NRG1: variants seen among roughly 807,000 people sequenced by gnomAD.
NRG1 encodes pro-neuregulin-1, membrane-bound isoform.
Under a neutral mutation model 63.8 loss-of-function variants are expected in NRG1, and 18 were observed. The observed-to-expected ratio is 0.28, with a 90% CI of 0.19 to 0.42. The LOEUF (loss-of-function observed/expected upper bound fraction) is 0.42. Ranked by LOEUF, NRG1 falls within the 10% of genes least tolerant of loss-of-function variation. The probability of loss-of-function intolerance (pLI) is 1.00; values close to 1 mark genes in which losing one functional copy is unlikely to be tolerated. For synonymous variants in NRG1, 302 were observed against 301.3 expected, an observed-to-expected ratio of 1.00 and a Z score of -0.02; for missense variants, 762 against 814.7, an observed-to-expected ratio of 0.94 and a Z score of 0.79.
At chr8:31,893,223 A>G (rs1009203768) in intron 1 of NRG1, among the ~76,000 whole-genome samples, 2 of 150,878 alleles carry the variant, frequency 1.3e-5, no homozygotes, top group Non-Finnish European at 3.0e-5. Context: ...TAAATAAAAG[A>G]TACTGGAGCA....
intron 1 of NRG1, among the ~76,000 whole-genome samples, chr8:31,947,491 C>T (rs1046805622): frequency 6.6e-6 from 1 of 152,068 alleles, no homozygotes; most frequent in Non-Finnish European, 1.5e-5. Context: ...AGCAGTATTA[C>T]TCTGGGCCAG....
At chr8:31,986,598 C>G (rs538973555) in intron 1 of NRG1, among the ~76,000 whole-genome samples, 15 of 152,226 alleles carry the variant, frequency 9.9e-5, no homozygotes, top group African/African-American at 3.6e-4. Flanking sequence ...ATCATCTGCA[C>G]TTAGTTTTCT....
chr8:32,431,756 G>GA (rs1323097090), intron 1 of NRG1, among the ~76,000 whole-genome samples: 113 of 151,674 alleles, frequency 7.5e-4, no homozygotes, highest in African/African-American at 2.5e-3. Context: ...TTTTCTGAGG[G>GA]AAAAAATTAC....
chr8:32,513,288 T>C lies in NRG1; in HGVS notation c.38-82540T>C, dbSNP rs186387932. Among the ~76,000 whole-genome samples, 195 of 151,974 alleles carry C rather than the reference T, an allele frequency of 1.3e-3. 1 individual carries two copies. Among genetic ancestry groups the C allele is most frequent in the African/African-American group, 4.5e-3 (186 of 41,436 alleles). On this transcript the variant is annotated intron_variant, in intron 1 of 10. Coordinates refer to the NRG1 transcript ENST00000519301. ...TCTCAACATGCTTAAGCAAGTGATA[T>C]CTTTCCATATAAGGGGCAAAAGAAT...
At chr8:32,636,689 T>G (rs1680711808) in intron 5 of NRG1, among the ~76,000 whole-genome samples, 1 of 152,118 alleles carries the variant, frequency 6.6e-6, no homozygotes. Flanking sequence ...AAATCCCTTC[T>G]CAATAAAAAA....
chr8:31,831,470 C>T (rs1035199420), intron 1 of NRG1, among the ~76,000 whole-genome samples: 1 of 152,074 alleles, frequency 6.6e-6, no homozygotes, highest in Admixed American at 6.6e-5. Flanking sequence ...GTGCTTTATT[C>T]AAAATGTCAT....
chr8:31,836,277 A>G (rs983807272), intron 1 of NRG1, among the ~76,000 whole-genome samples: 2 of 152,202 alleles, frequency 1.3e-5, no homozygotes, highest in African/African-American at 4.8e-5. Flanking sequence ...AAGCATTGTA[A>G]CAGAAAATAA....
intron 1 of NRG1, among the ~76,000 whole-genome samples, chr8:31,687,681 A>G (rs2131102239): frequency 6.6e-6 from 1 of 152,248 alleles, no homozygotes; most frequent in East Asian, 1.9e-4. Flanking sequence ...GCTGTTGGAA[A>G]CAACACAATG....
At chr8:31,835,544 G>A (rs556014507) in intron 1 of NRG1, among the ~76,000 whole-genome samples, 2 of 152,184 alleles carry the variant, frequency 1.3e-5, no homozygotes, top group African/African-American at 2.4e-5. Flanking sequence ...TCACAGCTTG[G>A]GTTATCAGAC....
rs1031233462 is a variant in NRG1, at chr8:32,216,131, T to A, written c.38-379697T>A. Among the ~76,000 whole-genome samples, 4 of 151,134 alleles carry A rather than the reference T, an allele frequency of 2.6e-5. No individual in the cohort carries two copies. The East Asian group carries it at 7.7e-4, about 29-fold the overall frequency. On this transcript the variant is annotated intron_variant, in intron 1 of 10. Coordinates refer to the NRG1 transcript ENST00000519301. ...TAGATATTATACTATATTATGGAAA[T>A]GTATATATTATATTAGAATTAATAT...
chr8:31,892,423 G>T (rs973713444), intron 1 of NRG1, among the ~76,000 whole-genome samples: 1 of 151,984 alleles, frequency 6.6e-6, no homozygotes, highest in African/African-American at 2.4e-5. Context: ...ACCAATTTAG[G>T]ATAACTTCAC....
At chr8:31,658,568 T>C (rs13273105) in intron 1 of NRG1, among the ~76,000 whole-genome samples, 29,677 of 152,132 alleles carry the variant, frequency 0.2, 3,409 homozygotes, top group East Asian at 0.27. Flanking sequence ...GATCAAGCGA[T>C]TCTCGTGCCT....
intron 1 of NRG1, among the ~76,000 whole-genome samples, chr8:32,593,935 TGCCAGTG>T (rs113596153): frequency 0.012 from 1,896 of 152,056 alleles, 40 homozygotes; most frequent in African/African-American, 0.043. Context: ...TTTTCTAATT[TGCCAGTG>T]GCCAGTGTGT....
At chr8:31,867,817 A>T (rs1402404463) in intron 1 of NRG1, among the ~76,000 whole-genome samples, 2 of 152,164 alleles carry the variant, frequency 1.3e-5, no homozygotes, top group Non-Finnish European at 2.9e-5. Flanking sequence ...TTCTAATCCA[A>T]GACCTTAGAT....
chr8:32,382,529 T>C (rs1284770857), intron 1 of NRG1, among the ~76,000 whole-genome samples: 1 of 152,224 alleles, frequency 6.6e-6, no homozygotes, highest in African/African-American at 2.4e-5. Context: ...TGCAAGGTCC[T>C]ATCTACCTGG....
chr8:32,350,820 T>C (rs1274419222), intron 1 of NRG1, among the ~76,000 whole-genome samples: 2 of 152,122 alleles, frequency 1.3e-5, no homozygotes, highest in Non-Finnish European at 2.9e-5. Context: ...CCTCCTTGAA[T>C]TTGTTATATA....
chr8:31,806,710 CT>C (rs1017466685), intron 1 of NRG1, among the ~76,000 whole-genome samples: 11 of 151,962 alleles, frequency 7.2e-5, no homozygotes, highest in African/African-American at 2.4e-4. Context: ...ATAATTAACC[CT>C]TTTTTTAAGT....
Position 32,126,113 on chromosome 8 carries a change from A to G in NRG1, c.38-469715A>G, listed in dbSNP as rs114537351. On this transcript the variant is annotated intron_variant, in intron 1 of 10. Coordinates refer to the NRG1 transcript ENST00000519301. ...TTTGTGTCTTTCCAGTTACTCCACAACAATTTATTGAGTGAATAAAGAAAA... is the reference window on the plus strand; with the variant it reads ...TTTGTGTCTTTCCAGTTACTCCACAGCAATTTATTGAGTGAATAAAGAAAA... Among the ~76,000 whole-genome samples, 364 of 152,034 alleles carry G rather than the reference A, an allele frequency of 2.4e-3. 1 individual carries two copies. The highest frequency in any genetic ancestry group is 8.5e-3 in the African/African-American group (353 of 41,522).
At chr8:31,935,454 C>G (rs899719350) in intron 1 of NRG1, among the ~76,000 whole-genome samples, 1 of 151,272 alleles carries the variant, frequency 6.6e-6, no homozygotes, top group Admixed American at 6.6e-5. Context: ...CACAGGGTCC[C>G]CTTATGTTGC....
Sources: gnomAD v4.1 joint callset for allele counts (sites outside exome capture counted in the v4.1 genomes callset) on GRCh38, gnomAD v4.1.1 for gene constraint, MANE v1.5 for transcripts, NCBI Gene and HGNC (gene_info 2026-07-23, HGNC 2026-07-21) for gene names.